The following ELMO2 variants were observed in gnomAD, a reference collection of about 807,000 sequenced individuals.
The protein encoded by ELMO2 is engulfment and cell motility 2.
Under a neutral mutation model 96.2 loss-of-function variants are expected in ELMO2, and 37 were observed. The ratio of observed to expected loss-of-function variants is 0.38; its 90% CI spans 0.30 to 0.51. The LOEUF (loss-of-function observed/expected upper bound fraction) is 0.51. Ranked by LOEUF, ELMO2 falls within the 20% of genes least tolerant of loss-of-function variation. The pLI is 0.88. For synonymous variants in ELMO2, 315 were observed against 329.4 expected, an observed-to-expected ratio of 0.96 and a Z score of 0.47; for missense variants, 561 against 912.6, an observed-to-expected ratio of 0.61 and a Z score of 4.96.
chr20:46,380,839 T>A (rs1177057653), intron 10 of ELMO2, among the ~76,000 whole-genome samples: 2 of 152,182 alleles, frequency 1.3e-5, no homozygotes, highest in East Asian at 3.9e-4. Context: ...TAGAGAACAA[T>A]GAGTCTGGTG....
intron 11 of ELMO2, chr20:46,376,863 T>C: frequency 8.3e-7 from 1 of 1,208,430 alleles, no homozygotes; most frequent in Non-Finnish European, 1.1e-6. Context: ...ATGCAGCTAT[T>C]TGCATTTAAA....
At chr20:46,382,009 T>C (rs1374520855) in intron 10 of ELMO2, among the ~76,000 whole-genome samples, 1 of 152,222 alleles carries the variant, frequency 6.6e-6, no homozygotes, top group African/African-American at 2.4e-5. Context: ...CTGGGGCAGG[T>C]ACCCCCTTAA....
intron 1 of ELMO2, among the ~76,000 whole-genome samples, chr20:46,404,627 C>G (rs569459976): frequency 1.7e-4 from 26 of 152,264 alleles, no homozygotes; most frequent in South Asian, 6.2e-4. Context: ...ACTGTACAGC[C>G]CAATACCACA....
intron 1 of ELMO2, among the ~76,000 whole-genome samples, chr20:46,403,593 C>A (rs1355719273): frequency 6.6e-6 from 1 of 152,224 alleles, no homozygotes; most frequent in Non-Finnish European, 1.5e-5. Flanking sequence ...AGCCTCCAGC[C>A]CATACTGATT....
At chr20:46,377,877 C>G (rs1037085580) in intron 11 of ELMO2, among the ~76,000 whole-genome samples, 4 of 152,174 alleles carry the variant, frequency 2.6e-5, no homozygotes. Context: ...TCCCACTCCC[C>G]CCAGTCTCTC....
intron 2 of ELMO2, among the ~76,000 whole-genome samples, chr20:46,397,884 T>A (rs758267884): frequency 1.3e-5 from 2 of 152,144 alleles, no homozygotes; most frequent in Non-Finnish European, 2.9e-5. Context: ...AATATCTAAA[T>A]GAACTGAGGC....
rs149135334 is a variant in ELMO2, at chr20:46,367,213, G to A, written c.*147C>T. On this transcript the variant is annotated 3_prime_UTR_variant, in exon 22 of 22. Coordinates refer to ENST00000290246, the MANE Select transcript of ELMO2 (RefSeq NM_133171.5). The stretch of plus-strand genomic sequence containing the variant: ...ACCAAGAGGAAACTCTGGGTGGTCC[G>A]AGGTGGGTTTGAGAAATGGCTGGCA... 2.8e-4 allele frequency: 203 copies of A among 725,244 alleles called. 3 individuals carry two copies. The highest frequency in any genetic ancestry group is 1.5e-3 in the South Asian group (65 of 43,824). 44.9% of individuals were successfully genotyped at this position (725,244 alleles called of 1,614,324 possible). A position where few individuals can be genotyped will look rare whatever the true frequency, so the allele number is the denominator to read the frequency against.
chr20:46,385,549 C>T (rs767324463), intron 9 of ELMO2, among the ~76,000 whole-genome samples: 2 of 152,202 alleles, frequency 1.3e-5, no homozygotes, highest in Non-Finnish European at 2.9e-5. Flanking sequence ...GACTAGGTTA[C>T]TTGCTGATGG....
At position 46,389,167 on chromosome 20, in the gene ELMO2, G is replaced by A. The variant is rs765342056; in HGVS notation, c.297C>T (p.Thr99=). Residue 99 remains threonine (T), a synonymous_variant, in exon 7 of 22, where the codon ACC becomes ACT. Coordinates refer to ENST00000290246, the MANE Select transcript of ELMO2 (RefSeq NM_133171.5). ...MERTQSSNME[T]RLDAMKELAK... ...CCAGCTCCTTCATGGCATCCAGCCG[G>A]GTCTCCATGTTGGATGACTGGGTCC... is the stretch of plus-strand genomic sequence containing the variant. 9.3e-6 allele frequency: 15 copies of A among 1,614,054 alleles called. No homozygotes were observed. Among genetic ancestry groups the A allele is most frequent in the Non-Finnish European group, 3.4e-6 (4 of 1,180,036 alleles).
chr20:46,367,722 C>A (rs1348241284), intron 21 of ELMO2, among the ~76,000 whole-genome samples, 162 bp from the exon 22 acceptor site: 1 of 152,062 alleles, frequency 6.6e-6, no homozygotes, highest in Admixed American at 6.6e-5. Context: ...AGGAGGTGAT[C>A]CTTCACTTTC....
Position 46,367,368 on chromosome 20 carries a change from A to G in ELMO2, c.2155T>C (p.Tyr719His). ...CGTTTCTGGCTCCAGGCTCAGCCAT[A>G]GTGATAGACAAAGTCATAGCTGCTG... is the stretch of plus-strand genomic sequence containing the variant. ...EPSSYDFVYH[Y>H]G The change falls in exon 22 of 22, where the codon TAT becomes CAT. Residue 719 changes from tyrosine to histidine, a missense_variant. Coordinates refer to ENST00000290246, the MANE Select transcript of ELMO2 (RefSeq NM_133171.5). 1 of 1,555,114 alleles carries G rather than the reference A, an allele frequency of 6.4e-7. No homozygotes were observed. The highest frequency in any genetic ancestry group is 8.7e-7 in the Non-Finnish European group (1 of 1,149,706).
intron 20 of ELMO2, chr20:46,369,961 G>GTGTGTGTGTGTGTGTGTGTGTGTGTGTGT (rs2059665607): frequency 4.0e-5 from 2 of 49,542 alleles, no homozygotes; most frequent in East Asian, 3.9e-4. Flanking sequence ...TGGGTATGGG[G>GTGTGTGTGTGTGTGTGTGTGTGTGTGTGT]GTGTGTGTGT....
At chr20:46,377,194 G>A (rs749249966) in intron 11 of ELMO2, among the ~76,000 whole-genome samples, 2 of 152,212 alleles carry the variant, frequency 1.3e-5, no homozygotes, top group African/African-American at 4.8e-5. Context: ...ACTGAGAGGT[G>A]CTGTGAGTGT....
intron 15 of ELMO2, among the ~76,000 whole-genome samples, chr20:46,374,101 T>G (rs977627745): frequency 5.1e-5 from 7 of 137,246 alleles, no homozygotes; most frequent in South Asian, 2.4e-4. Flanking sequence ...ATTTTTGGTT[T>G]TTTTTTTTTT....
At chr20:46,392,805 T>A (rs2060175327) in intron 6 of ELMO2, among the ~76,000 whole-genome samples, 1 of 152,244 alleles carries the variant, frequency 6.6e-6, no homozygotes, top group Non-Finnish European at 1.5e-5. Context: ...CTGGCAAGAC[T>A]TTCTGGAAAT....
Position 46,375,510 on chromosome 20 carries a change from C to T in ELMO2, c.931-140G>A. ...AGGCATCACCTCTACCACAGCAGGA[C>T]AGAAATGGGCTTGGCTCATGGTGCA... On this transcript the variant is annotated intron_variant, in intron 12 of 21. Transcript: ENST00000290246. The surrounding 1 kb of genome is among the most constrained non-coding windows in gnomAD (Gnocchi z 4.6). 1 of 1,477,948 alleles carries T rather than the reference C, an allele frequency of 6.8e-7. No homozygotes were observed. The highest frequency in any genetic ancestry group is 2.3e-5 in the East Asian group (1 of 42,838). The allele number at this position is 1,477,948 out of a possible 1,614,324, so 91.6% of individuals were successfully genotyped here.
chr20:46,372,374 A>C (rs1000175648), intron 16 of ELMO2, among the ~76,000 whole-genome samples: 1 of 152,232 alleles, frequency 6.6e-6, no homozygotes, highest in Non-Finnish European at 1.5e-5. Flanking sequence ...AGCCGGTTGC[A>C]GTAGCTCATG....
At chr20:46,384,704 G>T (rs1368596337) in intron 9 of ELMO2, among the ~76,000 whole-genome samples, 1 of 151,924 alleles carries the variant, frequency 6.6e-6, no homozygotes, top group Non-Finnish European at 1.5e-5. Flanking sequence ...CACACCTGTA[G>T]TCCCAGCTAC....
At position 46,382,195 on chromosome 20, in the gene ELMO2, G is replaced by C. The variant is rs1015752024; in HGVS notation, c.756+1221C>G. On this transcript the variant is annotated intron_variant, in intron 10 of 21. Coordinates refer to ENST00000290246, the MANE Select transcript of ELMO2 (RefSeq NM_133171.5). ...GAGCTGGGGCCCTTTCCACATGGCA[G>C]TGCTACTTACAGTGACAGGCAGGTC... The C allele has an allele frequency of 4.7e-6, 6 of 1,289,748 alleles. No homozygotes were observed. The Admixed American group carries it at 6.9e-5, about 15-fold the overall frequency. The allele number at this position is 1,289,748 out of a possible 1,614,324, so 79.9% of individuals were successfully genotyped here.
Sources: gnomAD v4.1 joint callset for allele counts (sites outside exome capture counted in the v4.1 genomes callset) on GRCh38, gnomAD v4.1.1 for gene constraint, Gnocchi (gnomAD v3.1) non-coding constraint, MANE v1.5 for transcripts, NCBI Gene and HGNC (gene_info 2026-07-23, HGNC 2026-07-21) for gene names.